Variants in FBXL20 observed in about 807,000 individuals in gnomAD.
FBXL20 encodes the protein F-box and leucine rich repeat protein 20.
A neutral mutation model predicts 64.0 loss-of-function variants in FBXL20; 11 were observed. The ratio of observed to expected loss-of-function variants is 0.17; its 90% CI spans 0.11 to 0.28. FBXL20 has a LOEUF of 0.28. Among genes scored for constraint, FBXL20 ranks in the 10% least tolerant of loss-of-function variants. FBXL20 has a pLI of 1.00. For synonymous variants in FBXL20, 184 were observed against 189.0 expected (o/e 0.97, Z 0.22); for missense variants, 303 against 526.2 (o/e 0.58, Z 4.15).
At chr17:39,313,031 G>A (rs990286812) in intron 2 of FBXL20, among the ~76,000 whole-genome samples, 10 of 147,934 alleles carry the variant, frequency 6.8e-5, no homozygotes, top group African/African-American at 2.5e-4. Flanking sequence ...CGATTCTCCT[G>A]CCTCAGCCTC....
chr17:39,363,827 C>CAAAAAACAAAAAA (rs2047827136), intron 1 of FBXL20, among the ~76,000 whole-genome samples: 1 of 78,028 alleles, frequency 1.3e-5, no homozygotes, highest in Non-Finnish European at 2.4e-5. Flanking sequence ...AAAAAAAAAA[C>CAAAAAACAAAAAA]AAAAAACAAA....
intron 2 of FBXL20, among the ~76,000 whole-genome samples, chr17:39,333,609 G>A (rs540659949): frequency 2.0e-5 from 3 of 150,186 alleles, no homozygotes; most frequent in East Asian, 2.0e-4. Flanking sequence ...GCCACCCATC[G>A]TCTGGGATGT....
At chr17:39,401,729 A>AG (rs1197433794), upstream of FBXL20, 7 of 507,256 alleles carry the variant, frequency 1.4e-5, no homozygotes, top group Non-Finnish European at 1.8e-5. Context: ...CGGGAGGGGG[A>AG]GGGGCGGGAG....
At chr17:39,380,181 A>G (rs2048008586) in intron 1 of FBXL20, among the ~76,000 whole-genome samples, 1 of 152,224 alleles carries the variant, frequency 6.6e-6, no homozygotes, top group Non-Finnish European at 1.5e-5. Flanking sequence ...AATATGAGTT[A>G]TATCACGTTC....
chr17:39,349,732 C>T (rs887295728), intron 1 of FBXL20, among the ~76,000 whole-genome samples: 6 of 152,024 alleles, frequency 3.9e-5, no homozygotes, highest in East Asian at 3.9e-4. Flanking sequence ...GTCAGGAGAT[C>T]GAGACCATCC....
At chr17:39,379,055 C>T (rs192069612) in intron 1 of FBXL20, among the ~76,000 whole-genome samples, 135 of 149,984 alleles carry the variant, frequency 9.0e-4, no homozygotes, top group African/African-American at 3.0e-3. Context: ...CGGAGAAACC[C>T]GGTCTCTACT....
intron 1 of FBXL20, among the ~76,000 whole-genome samples, chr17:39,359,984 A>G (rs1460951471): frequency 6.6e-6 from 1 of 152,196 alleles, no homozygotes; most frequent in African/African-American, 2.4e-5. Context: ...ATAAAACATT[A>G]AAGTATTAAA....
At chr17:39,326,767 A>T (rs1046188232) in intron 2 of FBXL20, among the ~76,000 whole-genome samples, 3 of 151,668 alleles carry the variant, frequency 2.0e-5, no homozygotes, top group Admixed American at 6.6e-5. Context: ...CTACAGGTGC[A>T]CGCCACCACA....
chr17:39,333,733 T>C (rs1169984537), intron 2 of FBXL20, among the ~76,000 whole-genome samples: 2 of 148,968 alleles, frequency 1.3e-5, no homozygotes, highest in Non-Finnish European at 3.0e-5. Context: ...TCATCTGGGA[T>C]GTGGGGAGCG....
intron 5 of FBXL20, among the ~76,000 whole-genome samples, chr17:39,298,503 G>T (rs367662616): frequency 2.0e-5 from 3 of 152,114 alleles, no homozygotes; most frequent in African/African-American, 7.2e-5. Flanking sequence ...AGGACTGCTT[G>T]AGTGCAAGAG....
chr17:39,279,202 A>C (rs539556634), intron 9 of FBXL20, among the ~76,000 whole-genome samples: 1 of 152,240 alleles, frequency 6.6e-6, no homozygotes, highest in Admixed American at 6.5e-5. Context: ...CAACTATAGT[A>C]ATCGGAATTG....
chr17:39,264,068 C>T lies in FBXL20; in HGVS notation c.1203+107G>A. The T allele has an allele frequency of 4.1e-6, 5 of 1,206,124 alleles. No individual in the cohort carries two copies. The African/African-American group carries it at 4.6e-5, about 11-fold the overall frequency. The allele number at this position is 1,206,124 out of a possible 1,614,324, so 74.7% of individuals were successfully genotyped here. On this transcript the variant is annotated intron_variant, in intron 14 of 14. Transcript: ENST00000264658. The stretch of plus-strand genomic sequence containing the variant: ...TTTTCTCTTTCCCTTGTTAAATGTT[C>T]AAGTAAATATAAAAATCATAGGAAC...
chr17:39,316,316 T>A (rs990261673), intron 2 of FBXL20, among the ~76,000 whole-genome samples: 3 of 138,440 alleles, frequency 2.2e-5, no homozygotes, highest in Non-Finnish European at 4.7e-5. Context: ...CACACACACA[T>A]TTTTTTCTTT....
intron 1 of FBXL20, among the ~76,000 whole-genome samples, chr17:39,368,582 G>A (rs933825794): frequency 6.6e-6 from 1 of 152,040 alleles, no homozygotes; most frequent in African/African-American, 2.4e-5. Flanking sequence ...TCCCTGACAA[G>A]CCCCTCTAAA....
chr17:39,345,307 A>G (rs1177348323), intron 1 of FBXL20, among the ~76,000 whole-genome samples: 1 of 152,216 alleles, frequency 6.6e-6, no homozygotes, highest in Non-Finnish European at 1.5e-5. Context: ...GAGATGTAAG[A>G]GAGAACAAAG....
At chr17:39,398,154 C>T (rs889628116) in intron 1 of FBXL20, among the ~76,000 whole-genome samples, 3 of 150,140 alleles carry the variant, frequency 2.0e-5, no homozygotes, top group Non-Finnish European at 3.0e-5. Context: ...TGGTGGCAGG[C>T]GCCTGTAATC....
chr17:39,270,188 A>T (rs33933929), intron 11 of FBXL20, among the ~76,000 whole-genome samples: 13 of 151,976 alleles, frequency 8.6e-5, no homozygotes, highest in Non-Finnish European at 1.9e-4. Context: ...ATAACCAATA[A>T]GTTTTTTCAC....
chr17:39,273,506 T>C (rs764376439), intron 10 of FBXL20, among the ~76,000 whole-genome samples: 2 of 152,138 alleles, frequency 1.3e-5, no homozygotes, highest in Non-Finnish European at 2.9e-5. Flanking sequence ...CTTTGTCTCT[T>C]TGTGCTTCAG....
intron 1 of FBXL20, among the ~76,000 whole-genome samples, chr17:39,396,010 G>GTT (rs71353578): frequency 7.8e-6 from 1 of 128,990 alleles, no homozygotes; most frequent in Non-Finnish European, 1.6e-5. Context: ...GTTTTGTGGG[G>GTT]TTTTTTTTTT....
Sources: gnomAD v4.1 joint callset for allele counts (sites outside exome capture counted in the v4.1 genomes callset) on GRCh38, gnomAD v4.1.1 for gene constraint, MANE v1.5 for transcripts, NCBI Gene and HGNC (gene_info 2026-07-23, HGNC 2026-07-21) for gene names.